Variants in HMGN3 observed in about 807,000 individuals in gnomAD.
The protein encoded by HMGN3 is high mobility group nucleosomal binding domain 3.
Under a neutral mutation model 18.8 loss-of-function variants are expected in HMGN3, and 6 were observed. That is an observed-to-expected ratio of 0.32 (90% confidence interval 0.18 to 0.63). The LOEUF (loss-of-function observed/expected upper bound fraction) is 0.63, where lower values mean the gene tolerates loss of function less well. Ranked by LOEUF, HMGN3 falls within the 30% of genes least tolerant of loss-of-function variation. The probability of loss-of-function intolerance (pLI) is 0.79; values close to 1 mark genes in which losing one functional copy is unlikely to be tolerated. For missense variants in HMGN3, 107 were observed against 114.2 expected (o/e 0.94, Z 0.29); for synonymous variants, 40 against 36.5 (o/e 1.10, Z -0.35).
intron 3 of HMGN3, 100 bp from the exon 4 acceptor site, chr6:79,203,730 G>C (rs1226377210): frequency 2.2e-6 from 2 of 898,108 alleles, no homozygotes; most frequent in Non-Finnish European, 3.6e-6. Context: ...TATCCATTTT[G>C]ACATGGCTTT....
intron 1 of HMGN3, among the ~76,000 whole-genome samples, chr6:79,221,578 A>T (rs1218111250): frequency 1.3e-5 from 2 of 152,246 alleles, no homozygotes; most frequent in Admixed American, 1.3e-4. Context: ...GCTTACCACA[A>T]CATAAACAGG....
chr6:79,223,737 A>C (rs1582437605), intron 1 of HMGN3, among the ~76,000 whole-genome samples: 1 of 53,036 alleles, frequency 1.9e-5, no homozygotes, highest in Non-Finnish European at 6.7e-5. Flanking sequence ...CACTAGAGTT[A>C]CCTTTTTTTT....
chr6:79,234,270 T>C (rs2127847273), intron 1 of HMGN3: 1 of 356,464 alleles, frequency 2.8e-6, no homozygotes, highest in South Asian at 1.0e-4. Context: ...TTCTTGTTGT[T>C]GGGGGTGGAA....
At chr6:79,224,928 C>G (rs1313479617) in intron 1 of HMGN3, among the ~76,000 whole-genome samples, 1 of 152,056 alleles carries the variant, frequency 6.6e-6, no homozygotes, top group Non-Finnish European at 1.5e-5. Flanking sequence ...AATCAGCTGG[C>G]TGTAATGTGA....
At chr6:79,215,157 C>A in intron 1 of HMGN3, 135 bp from the exon 2 acceptor site, 3 of 601,796 alleles carry the variant, frequency 5.0e-6, no homozygotes, top group Non-Finnish European at 8.7e-6. Flanking sequence ...TAAATTACAA[C>A]AGGGTATGTC....
intron 1 of HMGN3, among the ~76,000 whole-genome samples, chr6:79,231,522 A>G (rs1476357982): frequency 6.6e-6 from 1 of 152,264 alleles, no homozygotes; most frequent in Non-Finnish European, 1.5e-5. Context: ...TATGGCATTT[A>G]TAAAAAACCA....
intron 3 of HMGN3, among the ~76,000 whole-genome samples, chr6:79,208,239 T>A (rs989573468): frequency 1.3e-5 from 2 of 152,168 alleles, no homozygotes; most frequent in African/African-American, 4.8e-5. Context: ...CAGCACATCA[T>A]AGGTACAATC....
At chr6:79,216,214 A>C (rs1776974803) in intron 1 of HMGN3, among the ~76,000 whole-genome samples, 1 of 152,240 alleles carries the variant, frequency 6.6e-6, no homozygotes, top group South Asian at 2.1e-4. Context: ...TCTTTGTAAA[A>C]ATATGGTTTT....
intron 3 of HMGN3, among the ~76,000 whole-genome samples, chr6:79,206,542 G>A (rs555573961): frequency 2.6e-5 from 4 of 152,230 alleles, no homozygotes; most frequent in Non-Finnish European, 4.4e-5. Context: ...GAACCTCTGC[G>A]TAGATTTCAG....
chr6:79,211,465 G>GTTTTT (rs58861121), intron 2 of HMGN3, among the ~76,000 whole-genome samples: 4 of 135,364 alleles, frequency 3.0e-5, no homozygotes, highest in Non-Finnish European at 3.2e-5. Flanking sequence ...AATTTCTCTT[G>GTTTTT]TTTTTTTTTT....
At chr6:79,230,531 C>A (rs1777790185) in intron 1 of HMGN3, among the ~76,000 whole-genome samples, 1 of 152,046 alleles carries the variant, frequency 6.6e-6, no homozygotes, top group Non-Finnish European at 1.5e-5. Flanking sequence ...GGTTTTTAAT[C>A]TTTTTTTAAA....
rs771526261 is a variant in HMGN3, at chr6:79,229,428, T to C, written c.15+5118A>G. On this transcript the variant is annotated intron_variant, in intron 1 of 5. Coordinates refer to ENST00000344726, the Ensembl canonical transcript of HMGN3. ...GATACACATTATGCTAGTAAACACG[T>C]GAAAAGATGCTTATTGTCAGTAGTT... is the stretch of plus-strand genomic sequence containing the variant. 2.8e-4 allele frequency among the ~76,000 whole-genome samples: 42 copies of C among 152,164 alleles called. 1 individual carries two copies. Among genetic ancestry groups the C allele is most frequent in the Admixed American group, 2.6e-3 (39 of 15,280 alleles).
At chr6:79,204,968 T>C (rs978846693) in intron 3 of HMGN3, among the ~76,000 whole-genome samples, 3 of 152,198 alleles carry the variant, frequency 2.0e-5, no homozygotes, top group Non-Finnish European at 4.4e-5. Context: ...AATTTCCTTT[T>C]ATATTATTTT....
chr6:79,227,333 C>G (rs1435991600), intron 1 of HMGN3, among the ~76,000 whole-genome samples: 1 of 152,114 alleles, frequency 6.6e-6, no homozygotes, highest in Non-Finnish European at 1.5e-5. Context: ...CAGAAACACT[C>G]CATTTGTTAT....
chr6:79,205,940 T>C (rs186877638), intron 3 of HMGN3, among the ~76,000 whole-genome samples: 115 of 152,270 alleles, frequency 7.6e-4, no homozygotes, highest in Middle Eastern at 6.8e-3. Context: ...GTGACTCTTG[T>C]TACGTTTTAG....
chr6:79,226,499 T>C (rs1460802375), intron 1 of HMGN3, among the ~76,000 whole-genome samples: 2 of 152,192 alleles, frequency 1.3e-5, no homozygotes, highest in African/African-American at 4.8e-5. Context: ...TAAACTGTTG[T>C]GAGAATAAAA....
chr6:79,232,807 T>C (rs1472414419), intron 1 of HMGN3, among the ~76,000 whole-genome samples: 1 of 152,162 alleles, frequency 6.6e-6, no homozygotes, highest in Non-Finnish European at 1.5e-5. Flanking sequence ...TCCAGCTCAC[T>C]TACTCTGTAA....
intron 3 of HMGN3, among the ~76,000 whole-genome samples, chr6:79,206,741 A>G (rs1776441051): frequency 1.3e-5 from 2 of 152,180 alleles, no homozygotes; most frequent in South Asian, 2.1e-4. Context: ...CCAGAATGGT[A>G]GATTCACTGT....
intron 2 of HMGN3, among the ~76,000 whole-genome samples, chr6:79,214,536 C>T (rs1776873383): frequency 6.6e-6 from 1 of 152,114 alleles, no homozygotes; most frequent in Admixed American, 6.6e-5. Context: ...CCTTCTCAGG[C>T]AAAATATTCA....
Sources: gnomAD v4.1 joint callset for allele counts (sites outside exome capture counted in the v4.1 genomes callset) on GRCh38, gnomAD v4.1.1 for gene constraint, MANE v1.5 for transcripts, NCBI Gene and HGNC (gene_info 2026-07-23, HGNC 2026-07-21) for gene names.